The following EVC2 variants were observed in gnomAD, a reference collection of about 807,000 sequenced individuals.
EVC2 encodes EvC ciliary complex subunit 2, also known as limbin.
Under a neutral mutation model 149.3 loss-of-function variants are expected in EVC2, and 148 were observed. The ratio of observed to expected loss-of-function variants is 0.99; its 90% CI spans 0.87 to 1.14. EVC2 has a LOEUF of 1.14. Among genes scored for constraint, EVC2 ranks in the 50% most tolerant of loss-of-function variants. The pLI is 0.00. For synonymous variants in EVC2, 776 were observed against 649.9 expected (o/e 1.19, Z -2.95); for missense variants, 1,854 against 1,627.3 (o/e 1.14, Z -2.40).
At chr4:5,590,687 C>T (rs1389076956) in intron 16 of EVC2, among the ~76,000 whole-genome samples, 9 of 152,100 alleles carry the variant, frequency 5.9e-5, no homozygotes, top group Non-Finnish European at 1.2e-4. Flanking sequence ...TCCTCTTCTT[C>T]ACATTCTGAT....
chr4:5,674,952 A>G (rs1479733821), intron 7 of EVC2, among the ~76,000 whole-genome samples: 1 of 152,200 alleles, frequency 6.6e-6, no homozygotes, highest in African/African-American at 2.4e-5. Flanking sequence ...GGCAAAAATG[A>G]TAACGTGCAA....
chr4:5,586,917 T>C (rs571193021), intron 16 of EVC2, among the ~76,000 whole-genome samples: 2 of 152,342 alleles, frequency 1.3e-5, no homozygotes, highest in South Asian at 2.1e-4. Context: ...GTCCTTAACC[T>C]TGGCAAAATA....
intron 7 of EVC2, among the ~76,000 whole-genome samples, chr4:5,678,988 A>C (rs1687886697): frequency 6.6e-6 from 1 of 151,850 alleles, no homozygotes; most frequent in African/African-American, 2.4e-5. Flanking sequence ...CTGAGAACGT[A>C]CCACTGCACT....
chr4:5,538,708 T>C (rs1290916385), downstream of EVC2, among the ~76,000 whole-genome samples: 1 of 152,116 alleles, frequency 6.6e-6, no homozygotes, highest in Non-Finnish European at 1.5e-5. Flanking sequence ...CTCTATAAAA[T>C]GATGAAAAAC....
intron 16 of EVC2, among the ~76,000 whole-genome samples, chr4:5,587,592 C>A (rs187584814): frequency 6.6e-6 from 1 of 152,106 alleles, no homozygotes; most frequent in Admixed American, 6.5e-5. Flanking sequence ...CGGGAAGAGC[C>A]GCAGACAAAA....
Position 5,636,114 on chromosome 4 carries a change from A to C in EVC2, c.1471-4082T>G, listed in dbSNP as rs1716875838. 1.3e-5 allele frequency among the ~76,000 whole-genome samples: 2 copies of C among 152,184 alleles called. No individual in the cohort carries two copies. The highest frequency in any genetic ancestry group is 4.8e-5 in the African/African-American group (2 of 41,446). ...ACAGCCCTCTAAGACCTCAGGCATC[A>C]TGATTATCCCTGTCTTAAGGATGGG... On this transcript the variant is annotated intron_variant, in intron 10 of 21. Transcript: ENST00000344408. The surrounding 1 kb of genome is among the most constrained non-coding windows in gnomAD (Gnocchi z 4.6).
chr4:5,618,436 C>A lies in EVC2; in HGVS notation c.2706+42G>T. On this transcript the variant is annotated intron_variant, in intron 15 of 21. Transcript: ENST00000344408. The surrounding 1 kb of genome is among the most constrained non-coding windows in gnomAD (Gnocchi z 4.4). Reference sequence around the variant, plus strand: ...CCCTGTAGGGCCAGCAGCTGGGAGACGGCCCTGCTTCTGTAATCGGCCACT... The same window carrying A: ...CCCTGTAGGGCCAGCAGCTGGGAGAAGGCCCTGCTTCTGTAATCGGCCACT... The A allele has an allele frequency of 6.2e-7, 1 of 1,607,598 alleles. No homozygotes were observed. Among genetic ancestry groups the A allele is most frequent in the African/African-American group, 1.3e-5 (1 of 74,898 alleles).
intron 4 of EVC2, among the ~76,000 whole-genome samples, chr4:5,690,742 G>A (rs370620223): frequency 5.9e-5 from 9 of 152,168 alleles, no homozygotes; most frequent in Non-Finnish European, 7.3e-5. Flanking sequence ...TGGGCTCTGC[G>A]ACATTCACCT....
chr4:5,561,083 A>C (rs1002178889), downstream of EVC2, among the ~76,000 whole-genome samples: 1 of 152,234 alleles, frequency 6.6e-6, no homozygotes, highest in Non-Finnish European at 1.5e-5. Flanking sequence ...TTCAGCCTAT[A>C]ATTTTAAGCC....
At chr4:5,692,906 A>G (rs1042120349) in intron 3 of EVC2, among the ~76,000 whole-genome samples, 21 of 151,208 alleles carry the variant, frequency 1.4e-4, no homozygotes, top group African/African-American at 3.9e-4. Flanking sequence ...AAGAAAATTA[A>G]CAAAAATGCC....
At chr4:5,588,729 G>C (rs552380630) in intron 16 of EVC2, among the ~76,000 whole-genome samples, 1 of 152,158 alleles carries the variant, frequency 6.6e-6, no homozygotes, top group African/African-American at 2.4e-5. Flanking sequence ...TGGTATAGAT[G>C]TAAATATAGA....
At chr4:5,533,135 C>T in the EVC2 span, among the ~76,000 whole-genome samples, 1 of 151,388 alleles carries the variant, frequency 6.6e-6, no homozygotes, top group Non-Finnish European at 1.5e-5. Context: ...AAGCAAATGA[C>T]AGTATGTGAC....
At chr4:5,666,083 A>G (rs1184448436) in intron 7 of EVC2, among the ~76,000 whole-genome samples, 1 of 152,162 alleles carries the variant, frequency 6.6e-6, no homozygotes, top group Non-Finnish European at 1.5e-5. Flanking sequence ...TATTAACTTT[A>G]GATTAAATAA....
intron 9 of EVC2, among the ~76,000 whole-genome samples, chr4:5,645,299 T>A (rs1274179712): frequency 3.3e-5 from 5 of 151,822 alleles, no homozygotes; most frequent in African/African-American, 1.2e-4. Flanking sequence ...TATGTGTAGG[T>A]TTTTTATACA....
At chr4:5,574,612 T>C (rs1722809235) in intron 19 of EVC2, 73 bp downstream of exon 19, 8 of 1,455,702 alleles carry the variant, frequency 5.5e-6, no homozygotes, top group Non-Finnish European at 7.7e-6. Flanking sequence ...GGTGAGGAAA[T>C]GTGGATTCTG....
rs1185985931 is a variant in EVC2 at position 5,615,515 on chromosome 4, G to C, written c.2736C>G (p.Ser912=). 6.2e-7 allele frequency: 1 copy of C among 1,614,150 alleles called. No homozygotes were observed. Among genetic ancestry groups the C allele is most frequent in the South Asian group, 1.1e-5 (1 of 91,080 alleles). ...QQQSKVRKSR[S]KSKSKGELLK... ...GAAGCTCTCCCTTGCTTTTACTCTT[G>C]GACCGTGACTTTCTCACCTTGGACT... The change falls in exon 16 of 22, where the codon TCC becomes TCG. Residue 912 remains serine, a synonymous_variant. Coordinates refer to ENST00000344408, the MANE Select transcript of EVC2 (RefSeq NM_147127.5).
intron 16 of EVC2, among the ~76,000 whole-genome samples, chr4:5,596,034 A>G (rs1007727252): frequency 6.6e-6 from 1 of 152,216 alleles, no homozygotes; most frequent in African/African-American, 2.4e-5. Context: ...CTAAATATAT[A>G]TGCACCCAAT....
intron 9 of EVC2, among the ~76,000 whole-genome samples, chr4:5,647,464 A>G (rs1273282434): frequency 6.6e-6 from 1 of 152,234 alleles, no homozygotes; most frequent in Non-Finnish European, 1.5e-5. Context: ...ACAACAGCTC[A>G]TTCATTTGCT....
chr4:5,694,652 C>CA, intron 2 of EVC2, 151 bp from the exon 3 acceptor site: 1 of 854,932 alleles, frequency 1.2e-6, no homozygotes, highest in Non-Finnish European at 1.9e-6. Context: ...ATGATATCAT[C>CA]TCTTTGCCAG....
Sources: gnomAD v4.1 joint callset for allele counts (sites outside exome capture counted in the v4.1 genomes callset) on GRCh38, gnomAD v4.1.1 for gene constraint, Gnocchi (gnomAD v3.1) non-coding constraint, MANE v1.5 for transcripts, NCBI Gene and HGNC (gene_info 2026-07-23, HGNC 2026-07-21) for gene names.